The following PDGFD variants were observed in gnomAD, a reference collection of about 807,000 sequenced individuals.
PDGFD encodes the protein platelet-derived growth factor D.
In PDGFD, 30 loss-of-function variants were observed where a neutral mutation model predicts 44.7. That is an observed-to-expected ratio of 0.67 (90% CI 0.50 to 0.91). PDGFD has a LOEUF of 0.91. Ranked by LOEUF, PDGFD falls within the 40% of genes least tolerant of loss-of-function variation. PDGFD has a pLI of 0.00. For missense variants in PDGFD, 445 were observed against 457.8 expected (o/e 0.97, Z 0.25); for synonymous variants, 173 against 168.4 (o/e 1.03, Z -0.21).
intron 1 of PDGFD, among the ~76,000 whole-genome samples, chr11:104,123,882 C>T (rs1861809755): frequency 6.6e-6 from 1 of 152,000 alleles, no homozygotes; most frequent in African/African-American, 2.4e-5. Context: ...AAAAAACTTG[C>T]TTCTAACTGG....
chr11:104,110,076 A>T (rs901033991), intron 1 of PDGFD, among the ~76,000 whole-genome samples: 4 of 152,210 alleles, frequency 2.6e-5, no homozygotes, highest in African/African-American at 9.6e-5. Flanking sequence ...ATAAAGCATT[A>T]TGAACCAAGA....
intron 1 of PDGFD, among the ~76,000 whole-genome samples, chr11:104,019,523 G>A (rs1859917913): frequency 6.6e-6 from 1 of 152,190 alleles, no homozygotes. Flanking sequence ...GTATTATTTT[G>A]TGCAAAGTAC....
intron 3 of PDGFD, among the ~76,000 whole-genome samples, chr11:103,957,751 G>A (rs1434338895): frequency 6.6e-6 from 1 of 152,102 alleles, no homozygotes; most frequent in Non-Finnish European, 1.5e-5. Flanking sequence ...GATTTAAAAG[G>A]GGTCATGAGA....
chr11:104,116,230 G>A (rs781222259), intron 1 of PDGFD, among the ~76,000 whole-genome samples: 1 of 152,042 alleles, frequency 6.6e-6, no homozygotes, highest in African/African-American at 2.4e-5. Context: ...TAAGAATCCA[G>A]TTTTATTCTA....
In PDGFD at chr11:103,971,115, T is replaced by C. The variant is rs551517535; in HGVS notation, c.511-23391A>G. On this transcript the variant is annotated intron_variant, in intron 3 of 6. Coordinates refer to ENST00000393158, the MANE Select transcript of PDGFD (RefSeq NM_025208.5). ...AATATATGTGTCATAACTTTGACTT[T>C]ATGTTTATTCTTTCAATCATGTTTT... 2.6e-5 allele frequency among the ~76,000 whole-genome samples: 4 copies of C among 152,314 alleles called. No homozygotes were observed. In the South Asian group the frequency reaches 8.3e-4, roughly 32 times the overall value.
chr11:104,148,062 A>G (rs1276999904), intron 1 of PDGFD, among the ~76,000 whole-genome samples: 1 of 152,234 alleles, frequency 6.6e-6, no homozygotes. Context: ...TTCAAACATC[A>G]GAAATTTTGC....
chr11:104,021,728 T>A (rs1859957171), intron 1 of PDGFD, among the ~76,000 whole-genome samples: 1 of 152,196 alleles, frequency 6.6e-6, no homozygotes, highest in African/African-American at 2.4e-5. Context: ...ATTTCTGTTT[T>A]AAGCCACTGA....
At chr11:103,919,804 C>T (rs1022489715) in intron 6 of PDGFD, among the ~76,000 whole-genome samples, 5 of 151,902 alleles carry the variant, frequency 3.3e-5, no homozygotes, top group East Asian at 1.9e-4. Context: ...CCACTGCGCC[C>T]GGTCTCTTCC....
At chr11:103,957,686 A>C (rs1047877510) in intron 3 of PDGFD, among the ~76,000 whole-genome samples, 4 of 152,162 alleles carry the variant, frequency 2.6e-5, no homozygotes, top group Non-Finnish European at 4.4e-5. Flanking sequence ...CGATATAGTA[A>C]GTAAAGATTA....
At chr11:104,071,103 C>A (rs995036799) in intron 1 of PDGFD, among the ~76,000 whole-genome samples, 10 of 151,520 alleles carry the variant, frequency 6.6e-5, no homozygotes, top group Non-Finnish European at 1.5e-4. Context: ...TGTTAAATCC[C>A]AGCATAATAT....
intron 1 of PDGFD, chr11:104,037,661 G>A (rs767603455): frequency 6.2e-7 from 1 of 1,614,186 alleles, no homozygotes; most frequent in South Asian, 1.1e-5. Flanking sequence ...AACATCATGA[G>A]GCTGGTGGAC....
intron 1 of PDGFD, among the ~76,000 whole-genome samples, chr11:104,035,643 G>A (rs1860219127): frequency 7.5e-6 from 1 of 133,720 alleles, no homozygotes; most frequent in Non-Finnish European, 1.5e-5. Flanking sequence ...ATTCACATAT[G>A]ACTTCATCAA....
chr11:104,002,606 G>A (rs1382045849), intron 1 of PDGFD, among the ~76,000 whole-genome samples: 1 of 152,140 alleles, frequency 6.6e-6, no homozygotes, highest in African/African-American at 2.4e-5. Flanking sequence ...GACTAACACA[G>A]GTCTGAACAC....
At chr11:104,017,896 T>A (rs1047544901) in intron 1 of PDGFD, among the ~76,000 whole-genome samples, 6 of 152,180 alleles carry the variant, frequency 3.9e-5, no homozygotes, top group African/African-American at 1.2e-4. Context: ...TTTTGTAAAG[T>A]ACCATAACTG....
At chr11:104,037,314 C>A (rs771927464) in intron 1 of PDGFD, 29 of 1,613,548 alleles carry the variant, frequency 1.8e-5, no homozygotes, top group Non-Finnish European at 2.5e-5. Context: ...AGGAACGCAA[C>A]CCTCCCTTGG....
At chr11:103,995,633 T>C (rs1177808210) in intron 3 of PDGFD, among the ~76,000 whole-genome samples, 1 of 152,216 alleles carries the variant, frequency 6.6e-6, no homozygotes, top group East Asian at 1.9e-4. Flanking sequence ...TAATTGAAAT[T>C]ATAATCATCA....
chr11:104,125,320 G>A (rs1490641520), intron 1 of PDGFD, among the ~76,000 whole-genome samples: 4 of 151,798 alleles, frequency 2.6e-5, no homozygotes, highest in Non-Finnish European at 4.4e-5. Context: ...TGATAATAGG[G>A]CTAAATATAT....
intron 1 of PDGFD, among the ~76,000 whole-genome samples, chr11:104,073,550 T>C (rs1286209598): frequency 6.6e-6 from 1 of 152,168 alleles, no homozygotes; most frequent in Non-Finnish European, 1.5e-5. Context: ...AAACAACTTT[T>C]TGTGTGTAAA....
At chr11:103,976,514 C>T (rs983368642) in intron 3 of PDGFD, among the ~76,000 whole-genome samples, 7 of 152,074 alleles carry the variant, frequency 4.6e-5, no homozygotes, top group African/African-American at 1.7e-4. Context: ...TCTGAATACC[C>T]TTTATTTCTT....
Sources: gnomAD v4.1 joint callset for allele counts (sites outside exome capture counted in the v4.1 genomes callset) on GRCh38, gnomAD v4.1.1 for gene constraint, MANE v1.5 for transcripts, NCBI Gene and HGNC (gene_info 2026-07-23, HGNC 2026-07-21) for gene names.